Variants in CHCHD3 observed in about 807,000 individuals in gnomAD.
CHCHD3 encodes the protein coiled-coil-helix-coiled-coil-helix domain containing 3.
CHCHD3 carries 20 observed loss-of-function variants against 38.2 expected under a neutral mutation model. The ratio of observed to expected loss-of-function variants is 0.52; its 90% CI spans 0.37 to 0.76. The LOEUF is 0.76. Among genes scored for constraint, CHCHD3 ranks in the 30% least tolerant of loss-of-function variants. The pLI is 0.00. For missense variants in CHCHD3, 245 were observed against 279.2 expected, an observed-to-expected ratio of 0.88 and a Z score of 0.87; for synonymous variants, 82 against 100.0, an observed-to-expected ratio of 0.82 and a Z score of 1.07.
intron 5 of CHCHD3, among the ~76,000 whole-genome samples, chr7:132,862,534 T>C (rs559421766): frequency 6.6e-6 from 1 of 152,344 alleles, no homozygotes; most frequent in African/African-American, 2.4e-5. Context: ...TGGAGGGTCT[T>C]ATCTCGATAT....
At chr7:133,001,792 T>A (rs993350079) in intron 3 of CHCHD3, among the ~76,000 whole-genome samples, 6 of 152,290 alleles carry the variant, frequency 3.9e-5, no homozygotes, top group Admixed American at 6.5e-5. Flanking sequence ...ACTATACAAC[T>A]AGGAAACGAT....
rs12671660 is a variant in CHCHD3 at position 133,035,367 on chromosome 7, C to A, written c.170-10740G>T. 50 of 1,612,686 alleles carry A rather than the reference C, an allele frequency of 3.1e-5. No individual in the cohort carries two copies. The highest frequency in any genetic ancestry group is 1.6e-4 in the Middle Eastern group (1 of 6,078). On this transcript the variant is annotated intron_variant, in intron 2 of 7. Transcript: ENST00000262570. This position sits in a 1 kb window ranked among gnomAD's most constrained non-coding sequence, Gnocchi z 4.7. ...GGTGAGGAACCAGCGGTTGGTATTG[C>A]GAAAGGCCCGGCGGAAAGAAGGCTC...
intron 4 of CHCHD3, among the ~76,000 whole-genome samples, chr7:132,946,766 T>C (rs925044857): frequency 4.6e-5 from 7 of 151,928 alleles, no homozygotes; most frequent in African/African-American, 1.7e-4. Context: ...AAATATGTGA[T>C]AGTTTACCAA....
intron 4 of CHCHD3, among the ~76,000 whole-genome samples, chr7:132,909,547 A>T (rs1054919484): frequency 7.9e-5 from 12 of 152,200 alleles, no homozygotes; most frequent in African/African-American, 2.9e-4. Flanking sequence ...AGTTCTTTAT[A>T]GCAGCATGAG....
At chr7:132,959,760 T>G (rs374937633) in intron 4 of CHCHD3, among the ~76,000 whole-genome samples, 1 of 138,156 alleles carries the variant, frequency 7.2e-6, no homozygotes, top group Admixed American at 7.2e-5. Context: ...AAAGAAAAAA[T>G]AAATGCATGC....
intron 2 of CHCHD3, chr7:133,052,046 A>G (rs1814184793): frequency 6.6e-6 from 1 of 152,246 alleles, no homozygotes; most frequent in Admixed American, 6.5e-5. Flanking sequence ...CAGCAATCCA[A>G]TACCATGCCA....
At chr7:132,882,278 T>G (rs1218442624) in intron 5 of CHCHD3, among the ~76,000 whole-genome samples, 1 of 152,054 alleles carries the variant, frequency 6.6e-6, no homozygotes, top group African/African-American at 2.4e-5. Context: ...GACAAAAGCA[T>G]ACCTTCTGAC....
intron 6 of CHCHD3, among the ~76,000 whole-genome samples, chr7:132,808,092 T>C (rs11981803): frequency 0.4 from 60,124 of 151,954 alleles, 12,189 homozygotes; most frequent in Middle Eastern, 0.51. Flanking sequence ...TTCATAATGC[T>C]CCCTACATTA....
At chr7:132,878,257 T>C (rs1056810426) in intron 5 of CHCHD3, among the ~76,000 whole-genome samples, 2 of 152,148 alleles carry the variant, frequency 1.3e-5, no homozygotes, top group Non-Finnish European at 2.9e-5. Flanking sequence ...CAATAACCTG[T>C]TCTGTTGTCA....
At chr7:132,890,219 T>C (rs1246228991) in intron 4 of CHCHD3, among the ~76,000 whole-genome samples, 3 of 152,194 alleles carry the variant, frequency 2.0e-5, no homozygotes, top group African/African-American at 7.2e-5. Context: ...AACTTGGTGT[T>C]GATAGCTAGA....
At chr7:132,898,086 T>C (rs954215885) in intron 4 of CHCHD3, among the ~76,000 whole-genome samples, 3 of 151,876 alleles carry the variant, frequency 2.0e-5, no homozygotes, top group Non-Finnish European at 2.9e-5. Flanking sequence ...GTGGTCTCCC[T>C]GGCTTCAGGA....
chr7:132,794,527 G>C (rs1806553645), intron 7 of CHCHD3, among the ~76,000 whole-genome samples: 1 of 152,058 alleles, frequency 6.6e-6, no homozygotes, highest in Non-Finnish European at 1.5e-5. Context: ...CCATTTCAAT[G>C]TTGCCCATCT....
intron 4 of CHCHD3, among the ~76,000 whole-genome samples, chr7:132,937,758 T>C (rs891056245): frequency 1.3e-5 from 2 of 152,212 alleles, no homozygotes; most frequent in Non-Finnish European, 2.9e-5. Context: ...TTAGTTAATA[T>C]AATCCAACGT....
At chr7:132,838,319 T>G in intron 6 of CHCHD3, 80 bp downstream of exon 6, 1 of 959,640 alleles carries the variant, frequency 1.0e-6, no homozygotes, top group Non-Finnish European at 1.6e-6. Flanking sequence ...TAACAAACTA[T>G]GATCTGTGCA....
chr7:132,919,940 T>G (rs2117236014), intron 4 of CHCHD3, among the ~76,000 whole-genome samples: 1 of 152,288 alleles, frequency 6.6e-6, no homozygotes, highest in South Asian at 2.1e-4. Flanking sequence ...TGTTACACAA[T>G]TCAAGGTTTT....
chr7:132,966,846 G>A (rs572987076), intron 4 of CHCHD3, among the ~76,000 whole-genome samples: 5 of 152,288 alleles, frequency 3.3e-5, no homozygotes, highest in Non-Finnish European at 7.4e-5. Flanking sequence ...GCAGGTTAAA[G>A]CAAATACCAA....
chr7:132,908,210 G>A (rs1809844029), intron 4 of CHCHD3, among the ~76,000 whole-genome samples: 1 of 152,144 alleles, frequency 6.6e-6, no homozygotes, highest in African/African-American at 2.4e-5. Context: ...TCAGAATCTG[G>A]TGTTTAAGAG....
chr7:132,798,663 G>A (rs929548254), intron 6 of CHCHD3, among the ~76,000 whole-genome samples: 2 of 152,038 alleles, frequency 1.3e-5, no homozygotes, highest in Non-Finnish European at 2.9e-5. Flanking sequence ...AGGTGAGGAG[G>A]GAAGGCTAGA....
intron 3 of CHCHD3, among the ~76,000 whole-genome samples, chr7:132,984,936 C>CGGGA: frequency 1.3e-5 from 1 of 74,658 alleles, no homozygotes; most frequent in African/African-American, 5.2e-5. Context: ...CCGCCCCGTC[C>CGGGA]GGGAGGTGAG....
Sources: allele counts gnomAD v4.1 joint callset (sites outside exome capture counted in the v4.1 genomes callset), GRCh38; gene constraint gnomAD v4.1.1; non-coding constraint Gnocchi (gnomAD v3.1); transcripts MANE v1.5; gene names NCBI Gene and HGNC (gene_info 2026-07-23, HGNC 2026-07-21).